Variants in CTBP2 observed in about 807,000 individuals in gnomAD.
CTBP2 encodes the protein C-terminal binding protein 2.
CTBP2 carries 30 observed loss-of-function variants against 80.3 expected under a neutral mutation model. The ratio of observed to expected loss-of-function variants is 0.37; its 90% CI spans 0.28 to 0.51. CTBP2 has a LOEUF of 0.51. CTBP2 is among the 20% of genes least tolerant of loss of function. The pLI is 0.93. For synonymous variants in CTBP2, 594 were observed against 587.4 expected, an observed-to-expected ratio of 1.01 and a Z score of -0.16; for missense variants, 1,212 against 1,375.3, an observed-to-expected ratio of 0.88 and a Z score of 1.88.
intron 1 of CTBP2, among the ~76,000 whole-genome samples, chr10:125,024,799 T>C (rs1473297260): frequency 6.6e-6 from 1 of 152,100 alleles, no homozygotes; most frequent in Admixed American, 6.5e-5. Flanking sequence ...CTCGGAAAAA[T>C]TATCTGACGT....
intron 1 of CTBP2, among the ~76,000 whole-genome samples, chr10:125,142,490 G>A (rs2133284162): frequency 6.6e-6 from 1 of 152,256 alleles, no homozygotes; most frequent in Non-Finnish European, 1.5e-5. Context: ...GGGCGGGGAG[G>A]CAGGAACTCC....
intron 2 of CTBP2, among the ~76,000 whole-genome samples, chr10:125,077,832 C>A (rs929733558): frequency 6.6e-6 from 1 of 152,130 alleles, no homozygotes; most frequent in Non-Finnish European, 1.5e-5. Flanking sequence ...AACGGGGCCA[C>A]CATTTGGAGT....
chr10:124,993,265 T>C lies in CTBP2; in HGVS notation c.2596A>G (p.Ser866Gly). The change falls in exon 7 of 9, where the codon AGT (serine) becomes GGT (glycine). Residue 866 changes from serine (S) to glycine (G), a missense_variant. Around this residue, in one of 3 missense-constraint regions of CTBP2, gnomAD observed 335 missense variants for 504.7 expected, o/e 0.66. Transcript: ENST00000309035. ...CTCATCTCCAGTGACGCCTGCTCAC[T>C]GTACCAGGCAGTGTGAGGAGTGCAG... The C allele has an allele frequency of 6.2e-7, 1 of 1,607,860 alleles. No individual in the cohort carries two copies. Among genetic ancestry groups the C allele is most frequent in the Non-Finnish European group, 8.5e-7 (1 of 1,174,946 alleles).
chr10:125,157,389 G>A (rs903701492), intron 1 of CTBP2, among the ~76,000 whole-genome samples: 1 of 107,464 alleles, frequency 9.3e-6, no homozygotes, highest in African/African-American at 3.6e-5. Context: ...TGTCAGGTGG[G>A]GGTTAAAAAA....
In CTBP2 at chr10:125,078,868, T is replaced by G. The variant is rs373774494; in HGVS notation, c.-102+32122A>C. Among the ~76,000 whole-genome samples the G allele has an allele frequency of 1.2e-4, 18 of 151,956 alleles. No individual in the cohort carries two copies. In the South Asian group the frequency reaches 2.1e-3, roughly 18 times the overall value. On this transcript the variant is annotated intron_variant, in intron 2 of 10. Coordinates refer to the CTBP2 transcript ENST00000337195. The stretch of plus-strand genomic sequence containing the variant: ...TTTGGAATAACCAGGCCTGGCACGG[T>G]GGCTCGTGCTTGTAATCCCAGCATT...
At chr10:125,106,952 C>T (rs1220347873) in intron 2 of CTBP2, among the ~76,000 whole-genome samples, 5 of 152,206 alleles carry the variant, frequency 3.3e-5, no homozygotes, top group Admixed American at 1.3e-4. Context: ...GGGGAATGGA[C>T]GGGGTGATCT....
chr10:125,151,821 T>C (rs915133048), intron 1 of CTBP2, among the ~76,000 whole-genome samples: 2 of 152,090 alleles, frequency 1.3e-5, no homozygotes, highest in African/African-American at 2.4e-5. Context: ...CCCTGCTGGC[T>C]TGAGGCGGCG....
intron 3 of CTBP2, among the ~76,000 whole-genome samples, chr10:125,034,918 A>C (rs527429764): frequency 6.6e-4 from 100 of 152,294 alleles, no homozygotes; most frequent in African/African-American, 2.1e-3. Context: ...TGGAAGAAGG[A>C]AAGAGCCAGA....
chr10:125,098,758 G>GAC, intron 2 of CTBP2, among the ~76,000 whole-genome samples: 1 of 127,276 alleles, frequency 7.9e-6, no homozygotes, highest in African/African-American at 3.2e-5. Flanking sequence ...GACAGAGAGA[G>GAC]AGAGAGAGAG....
chr10:125,015,361 C>T (rs537838351), intron 1 of CTBP2, among the ~76,000 whole-genome samples: 9 of 152,378 alleles, frequency 5.9e-5, no homozygotes, highest in African/African-American at 1.9e-4. Flanking sequence ...AAAAGAAGCA[C>T]TGCTGGTTTT....
intron 2 of CTBP2, among the ~76,000 whole-genome samples, chr10:125,096,150 G>A (rs1182394378): frequency 6.6e-6 from 1 of 152,200 alleles, no homozygotes; most frequent in Non-Finnish European, 1.5e-5. Flanking sequence ...GTTGAAATAA[G>A]ACATGTTTGC....
chr10:125,094,637 T>C (rs1309744086), intron 2 of CTBP2, among the ~76,000 whole-genome samples: 1 of 151,910 alleles, frequency 6.6e-6, no homozygotes, highest in African/African-American at 2.4e-5. Flanking sequence ...TCTCTGGTCA[T>C]GCCGGGGTGG....
chr10:125,056,763 T>TC (rs1182475943), intron 2 of CTBP2, among the ~76,000 whole-genome samples: 1 of 152,180 alleles, frequency 6.6e-6, no homozygotes, highest in African/African-American at 2.4e-5. Context: ...CCTTAGGACC[T>TC]CCAACTCCAT....
chr10:125,037,909 C>T (rs1003620207), intron 3 of CTBP2, among the ~76,000 whole-genome samples: 1 of 152,206 alleles, frequency 6.6e-6, no homozygotes, highest in African/African-American at 2.4e-5. Context: ...TATCTCCCCT[C>T]AAAAGAATCT....
chr10:125,100,217 T>C (rs1473946622), intron 2 of CTBP2, among the ~76,000 whole-genome samples: 1 of 152,250 alleles, frequency 6.6e-6, no homozygotes, highest in Non-Finnish European at 1.5e-5. Flanking sequence ...CAAGTGCGTA[T>C]GGCAGAAGAT....
At chr10:125,056,158 G>A (rs1963866115) in intron 2 of CTBP2, among the ~76,000 whole-genome samples, 1 of 142,978 alleles carries the variant, frequency 7.0e-6, no homozygotes, top group African/African-American at 2.9e-5. Context: ...CAGCGAGATT[G>A]TGTCTCAAAA....
At chr10:125,111,926 T>C (rs1261683038) in intron 1 of CTBP2, among the ~76,000 whole-genome samples, 1 of 152,034 alleles carries the variant, frequency 6.6e-6, no homozygotes, top group African/African-American at 2.4e-5. Context: ...GGAGTTGCTA[T>C]GTAACTGGAG....
intron 1 of CTBP2, among the ~76,000 whole-genome samples, chr10:125,017,070 A>G (rs1956569550): frequency 6.6e-6 from 1 of 152,204 alleles, no homozygotes; most frequent in Non-Finnish European, 1.5e-5. Flanking sequence ...TCCCTTAATG[A>G]GGCAGGGCCA....
chr10:125,041,987 A>AG lies in CTBP2; in HGVS notation c.-101-2833dup, dbSNP rs575687710. On this transcript the variant is annotated intron_variant, in intron 2 of 10. Transcript: ENST00000337195. ...GCTTTTTTGGGGGTGGGGGTGGGGG[A>AG]GGGGGGTCACTCTGTTCTGGACCTT... is the stretch of plus-strand genomic sequence containing the variant. Among the ~76,000 whole-genome samples the AG allele has an allele frequency of 9.1e-3, 1,043 of 114,438 alleles. 18 individuals carry two copies. Among genetic ancestry groups the AG allele is most frequent in the African/African-American group, 0.032 (974 of 30,770 alleles). 75.1% of individuals were successfully genotyped at this position (114,438 alleles called of 152,430 possible). A position where few individuals can be genotyped will look rare whatever the true frequency, so the allele number is the denominator to read the frequency against.
Sources: allele counts gnomAD v4.1 joint callset (sites outside exome capture counted in the v4.1 genomes callset), GRCh38; gene constraint gnomAD v4.1.1; regional missense constraint gnomAD v4.1.1; transcripts MANE v1.5; gene names NCBI Gene and HGNC (gene_info 2026-07-23, HGNC 2026-07-21).